APBB1IP: variants seen among roughly 807,000 people sequenced by gnomAD.
The protein encoded by APBB1IP is amyloid beta precursor protein binding family B member 1 interacting protein.
Under a neutral mutation model 64.9 loss-of-function variants are expected in APBB1IP, and 27 were observed. That is an observed-to-expected ratio of 0.42 (90% CI 0.31 to 0.57). The LOEUF is 0.57. APBB1IP is among the 20% of genes least tolerant of loss of function. The probability of loss-of-function intolerance (pLI) is 0.20; values close to 1 mark genes in which losing one functional copy is unlikely to be tolerated. For missense variants in APBB1IP, 812 were observed against 845.5 expected, an observed-to-expected ratio of 0.96 and a Z score of 0.49; for synonymous variants, 392 against 331.0, an observed-to-expected ratio of 1.18 and a Z score of -2.00.
chr10:26,469,258 C>CTTTTTTTT (rs386361721), intron 2 of APBB1IP, among the ~76,000 whole-genome samples: 110 of 112,916 alleles, frequency 9.7e-4, no homozygotes, highest in African/African-American at 3.3e-3. Flanking sequence ...CTTTTCTTTT[C>CTTTTTTTT]TTTTTTTTTT....
Position 26,507,255 on chromosome 10 carries a change from G to T in APBB1IP, c.531+3981G>T, listed in dbSNP as rs1588593020. ...CACCTCTAATCTCAGCACTTTGGGA[G>T]GCCGAGGCAGGAGGATCGCCTGAGG... On this transcript the variant is annotated intron_variant, in intron 6 of 14. Coordinates refer to ENST00000376236, the MANE Select transcript of APBB1IP (RefSeq NM_019043.4). Among the ~76,000 whole-genome samples the T allele has an allele frequency of 2.6e-5, 4 of 152,290 alleles. No homozygotes were observed. In the South Asian group the frequency reaches 8.3e-4, roughly 32 times the overall value.
At chr10:26,506,251 G>GTGTGT (rs56899776) in intron 6 of APBB1IP, among the ~76,000 whole-genome samples, 1 of 50,784 alleles carries the variant, frequency 2.0e-5, no homozygotes, top group African/African-American at 1.2e-4. Flanking sequence ...GTGTGTGTGT[G>GTGTGT]GGGGGGGGGG....
chr10:26,456,436 G>A (rs1835526103), intron 2 of APBB1IP, among the ~76,000 whole-genome samples: 2 of 152,114 alleles, frequency 1.3e-5, no homozygotes, highest in South Asian at 4.1e-4. Flanking sequence ...GTTGATGCGG[G>A]TTGGACTATG....
intron 11 of APBB1IP, among the ~76,000 whole-genome samples, chr10:26,557,373 G>T (rs190652164): frequency 3.6e-4 from 55 of 152,342 alleles, no homozygotes; most frequent in African/African-American, 1.3e-3. Context: ...AAGCAAATAG[G>T]AATTGACCGT....
intron 11 of APBB1IP, among the ~76,000 whole-genome samples, chr10:26,552,821 CT>C (rs1178197146): frequency 6.6e-6 from 1 of 152,162 alleles, no homozygotes; most frequent in African/African-American, 2.4e-5. Flanking sequence ...CTCCCTTTGG[CT>C]TCAGCATCTT....
chr10:26,523,094 A>G (rs545810358), intron 8 of APBB1IP, among the ~76,000 whole-genome samples: 1 of 151,952 alleles, frequency 6.6e-6, no homozygotes, highest in Admixed American at 6.6e-5. Context: ...AGGTGGAGCC[A>G]TTTTCCCCCT....
intron 2 of APBB1IP, among the ~76,000 whole-genome samples, chr10:26,471,028 A>G (rs1007010270): frequency 6.6e-6 from 1 of 152,186 alleles, no homozygotes; most frequent in African/African-American, 2.4e-5. Context: ...CACATGCATT[A>G]ACTTATCGAA....
intron 2 of APBB1IP, among the ~76,000 whole-genome samples, chr10:26,472,542 G>A (rs1258583736): frequency 6.6e-6 from 1 of 151,250 alleles, no homozygotes; most frequent in Non-Finnish European, 1.5e-5. Context: ...TTCATCTTGA[G>A]AACATTCAGT....
chr10:26,466,526 T>C (rs1395578178), intron 2 of APBB1IP, among the ~76,000 whole-genome samples: 1 of 152,220 alleles, frequency 6.6e-6, no homozygotes, highest in Non-Finnish European at 1.5e-5. Context: ...GTTGGCTGGA[T>C]ACAGTGGCTC....
intron 11 of APBB1IP, among the ~76,000 whole-genome samples, chr10:26,548,803 T>C (rs1284236079): frequency 6.6e-6 from 1 of 152,194 alleles, no homozygotes; most frequent in Admixed American, 6.5e-5. Flanking sequence ...ACCATTTGAC[T>C]TCCTCCTTTC....
intron 6 of APBB1IP, among the ~76,000 whole-genome samples, chr10:26,504,485 G>A (rs571203426): frequency 1.3e-5 from 2 of 152,062 alleles, no homozygotes; most frequent in Non-Finnish European, 1.5e-5. Flanking sequence ...TGAGGCGGGC[G>A]GATCACCTGA....
At chr10:26,511,537 T>C (rs1419556599) in intron 6 of APBB1IP, among the ~76,000 whole-genome samples, 1 of 152,238 alleles carries the variant, frequency 6.6e-6, no homozygotes, top group Non-Finnish European at 1.5e-5. Context: ...GTTTATTATC[T>C]ATTTTCTATT....
intron 2 of APBB1IP, among the ~76,000 whole-genome samples, chr10:26,462,552 C>T (rs1007172226): frequency 2.0e-5 from 3 of 152,178 alleles, no homozygotes; most frequent in African/African-American, 7.2e-5. Flanking sequence ...TGATACATTT[C>T]CCACTGGTGA....
intron 2 of APBB1IP, among the ~76,000 whole-genome samples, chr10:26,458,130 G>A (rs1835548602): frequency 6.6e-6 from 1 of 152,170 alleles, no homozygotes; most frequent in African/African-American, 2.4e-5. Flanking sequence ...TCTCATGCCT[G>A]TAATCTCCGC....
intron 8 of APBB1IP, among the ~76,000 whole-genome samples, chr10:26,531,869 C>T (rs1836558999): frequency 6.6e-6 from 1 of 152,090 alleles, no homozygotes; most frequent in Admixed American, 6.5e-5. Flanking sequence ...TTGCTTGAGC[C>T]CAGGAGTTCA....
chr10:26,449,660 A>T (rs928484935), intron 2 of APBB1IP, among the ~76,000 whole-genome samples: 1 of 152,152 alleles, frequency 6.6e-6, no homozygotes, highest in African/African-American at 2.4e-5. Context: ...ATTACTGCCA[A>T]TGTGATTCCA....
At chr10:26,488,278 C>T (rs1835916887) in intron 2 of APBB1IP, among the ~76,000 whole-genome samples, 1 of 151,830 alleles carries the variant, frequency 6.6e-6, no homozygotes, top group Non-Finnish European at 1.5e-5. Context: ...CTGTGTCACC[C>T]AGGCTGGACT....
chr10:26,491,759 G>GTT (rs11403116), intron 2 of APBB1IP, among the ~76,000 whole-genome samples: 1,422 of 116,546 alleles, frequency 0.012, 32 homozygotes, highest in East Asian at 0.068. Flanking sequence ...TTTGTGTAAG[G>GTT]TTTTTTTTTT....
intron 8 of APBB1IP, among the ~76,000 whole-genome samples, chr10:26,516,563 T>TAAAAAAAAAAAAAAAAAAAAAAAAAA (rs1198670517): frequency 3.2e-4 from 17 of 53,238 alleles, no homozygotes; most frequent in African/African-American, 1.1e-3. Context: ...AAAAAAAAAG[T>TAAAAAAAAAAAAAAAAAAAAAAAAAA]AAAGCGGAAA....
Sources: allele counts gnomAD v4.1 joint callset (sites outside exome capture counted in the v4.1 genomes callset), GRCh38; gene constraint gnomAD v4.1.1; transcripts MANE v1.5; gene names NCBI Gene and HGNC (gene_info 2026-07-23, HGNC 2026-07-21).